GALNT13: variants seen among roughly 807,000 people sequenced by gnomAD.
GALNT13 encodes the protein polypeptide N-acetylgalactosaminyltransferase 13.
In GALNT13, 28 loss-of-function variants were observed where a neutral mutation model predicts 64.2. The ratio of observed to expected loss-of-function variants is 0.44; its 90% CI spans 0.32 to 0.60. The LOEUF (loss-of-function observed/expected upper bound fraction) is 0.60. Among genes scored for constraint, GALNT13 ranks in the 20% least tolerant of loss-of-function variants. The probability of loss-of-function intolerance (pLI) is 0.05; values close to 1 mark genes in which losing one functional copy is unlikely to be tolerated. For missense variants in GALNT13, 577 were observed against 669.8 expected, an observed-to-expected ratio of 0.86 and a Z score of 1.53; for synonymous variants, 214 against 224.6, an observed-to-expected ratio of 0.95 and a Z score of 0.42.
At chr2:153,725,020 A>G in the GALNT13 span, among the ~76,000 whole-genome samples, 17 of 151,020 alleles carry the variant, frequency 1.1e-4, no homozygotes, top group Admixed American at 2.0e-4. Context: ...TGTTTATTGC[A>G]GCATTATTCA....
At chr2:154,317,963 A>C (rs1694413156) in intron 9 of GALNT13, among the ~76,000 whole-genome samples, 1 of 152,146 alleles carries the variant, frequency 6.6e-6, no homozygotes, top group East Asian at 1.9e-4. Flanking sequence ...TAAGTCATTT[A>C]GGCTTTTGCA....
intron 1 of GALNT13, among the ~76,000 whole-genome samples, chr2:153,896,843 G>C (rs2105282234): frequency 6.6e-6 from 1 of 152,170 alleles, no homozygotes; most frequent in African/African-American, 2.4e-5. Flanking sequence ...TAAATGTCTA[G>C]ATTAAAATAA....
At chr2:153,217,030 T>C in the GALNT13 span, among the ~76,000 whole-genome samples, 1 of 152,052 alleles carries the variant, frequency 6.6e-6, no homozygotes, top group African/African-American at 2.4e-5. Flanking sequence ...TGCATATGAA[T>C]AGCCAATTGT....
At chr2:154,189,798 T>C (rs1323861778) in intron 4 of GALNT13, among the ~76,000 whole-genome samples, 1 of 152,108 alleles carries the variant, frequency 6.6e-6, no homozygotes, top group East Asian at 1.9e-4. Context: ...TGGAGTAGGA[T>C]AAGAATGGAT....
chr2:154,358,264 C>T (rs1696862270), intron 9 of GALNT13, among the ~76,000 whole-genome samples: 1 of 152,060 alleles, frequency 6.6e-6, no homozygotes, highest in South Asian at 2.1e-4. Flanking sequence ...CAACACACAT[C>T]TTAGAAAGTG....
At chr2:154,174,053 G>T (rs1352904212) in intron 4 of GALNT13, among the ~76,000 whole-genome samples, 1 of 152,078 alleles carries the variant, frequency 6.6e-6, no homozygotes, top group African/African-American at 2.4e-5. Context: ...ATATCCAAAA[G>T]AAAGGAAATC....
At chr2:153,371,310 T>G in the GALNT13 span, among the ~76,000 whole-genome samples, 1 of 152,308 alleles carries the variant, frequency 6.6e-6, no homozygotes, top group Non-Finnish European at 1.5e-5. Flanking sequence ...TACTCATATT[T>G]AATATTGTCC....
At chr2:153,519,316 T>C in the GALNT13 span, among the ~76,000 whole-genome samples, 3 of 152,144 alleles carry the variant, frequency 2.0e-5, no homozygotes, top group Non-Finnish European at 2.9e-5. Flanking sequence ...ACAATTTCCT[T>C]TGAGTTCTGT....
At chr2:154,333,262 C>T (rs967623063) in intron 9 of GALNT13, among the ~76,000 whole-genome samples, 3 of 151,256 alleles carry the variant, frequency 2.0e-5, no homozygotes, top group South Asian at 2.1e-4. Flanking sequence ...TAGTTGTATT[C>T]GAAACTATAT....
the GALNT13 span, among the ~76,000 whole-genome samples, chr2:153,310,524 A>G: frequency 6.6e-6 from 1 of 152,040 alleles, no homozygotes; most frequent in African/African-American, 2.4e-5. Flanking sequence ...TTTATAATAT[A>G]CTTCCACTTA....
chr2:154,024,415 T>G (rs891044122), intron 3 of GALNT13, among the ~76,000 whole-genome samples: 31 of 152,136 alleles, frequency 2.0e-4, no homozygotes, highest in Admixed American at 1.6e-3. Flanking sequence ...TTCTCTAAAC[T>G]TCCCTTCTCG....
At chr2:154,386,564 G>T (rs1373733330) in intron 9 of GALNT13, among the ~76,000 whole-genome samples, 1 of 152,042 alleles carries the variant, frequency 6.6e-6, no homozygotes, top group Non-Finnish European at 1.5e-5. Context: ...AGTTCTGTGG[G>T]ACAATTGGAC....
intron 3 of GALNT13, among the ~76,000 whole-genome samples, chr2:154,013,412 G>A (rs1696779182): frequency 6.6e-6 from 1 of 152,038 alleles, no homozygotes; most frequent in Non-Finnish European, 1.5e-5. Context: ...AAAACTTTAA[G>A]GAGAATGCTG....
the GALNT13 span, among the ~76,000 whole-genome samples, chr2:153,387,881 A>G: frequency 0.021 from 3,209 of 152,226 alleles, 113 homozygotes; most frequent in African/African-American, 0.071. Context: ...AAAGAGAAAT[A>G]ACACATGGTA....
At chr2:154,205,444 A>T (rs1182482523) in intron 4 of GALNT13, among the ~76,000 whole-genome samples, 2 of 152,208 alleles carry the variant, frequency 1.3e-5, no homozygotes, top group Admixed American at 6.5e-5. Context: ...TAGTAGAAAA[A>T]AAGATTGTAA....
At chr2:153,771,674 C>G in the GALNT13 span, among the ~76,000 whole-genome samples, 3 of 152,230 alleles carry the variant, frequency 2.0e-5, no homozygotes, top group South Asian at 6.2e-4. Flanking sequence ...GCACCTCAGG[C>G]TGATAATCCA....
At chr2:153,627,811 T>C in the GALNT13 span, among the ~76,000 whole-genome samples, 1 of 152,122 alleles carries the variant, frequency 6.6e-6, no homozygotes, top group African/African-American at 2.4e-5. Flanking sequence ...TTCTTTTGGC[T>C]TGGGATTGAC....
At chr2:153,453,672 T>G in the GALNT13 span, among the ~76,000 whole-genome samples, 3 of 152,180 alleles carry the variant, frequency 2.0e-5, no homozygotes, top group Non-Finnish European at 4.4e-5. Context: ...TTGGAGGGAA[T>G]GTAAATTAGT....
the GALNT13 span, among the ~76,000 whole-genome samples, chr2:153,184,935 C>T: frequency 6.9e-4 from 105 of 152,018 alleles, no homozygotes; most frequent in Non-Finnish European, 9.0e-4. Flanking sequence ...TTTTTTGTTG[C>T]GTATCTGCCA....
Sources: gnomAD v4.1 joint callset for allele counts (sites outside exome capture counted in the v4.1 genomes callset) on GRCh38, gnomAD v4.1.1 for gene constraint, MANE v1.5 for transcripts, NCBI Gene and HGNC (gene_info 2026-07-23, HGNC 2026-07-21) for gene names.